The following BACH2 variants were observed in gnomAD, a reference collection of about 807,000 sequenced individuals.
BACH2 encodes transcription regulator protein BACH2.
In BACH2, 5 loss-of-function variants were observed where a neutral mutation model predicts 61.8. That is an observed-to-expected ratio of 0.08 (90% CI 0.04 to 0.17). BACH2 has a LOEUF of 0.17. Ranked by LOEUF, BACH2 falls within the 10% of genes least tolerant of loss-of-function variation. The pLI, the probability that BACH2 is intolerant of heterozygous loss-of-function variation, is 1.00. For synonymous variants in BACH2, 446 were observed against 440.1 expected (o/e 1.01, Z -0.17); for missense variants, 824 against 1,091.1 (o/e 0.76, Z 3.45).
chr6:90,114,028 T>C (rs1417443941), intron 4 of BACH2, among the ~76,000 whole-genome samples: 7 of 152,004 alleles, frequency 4.6e-5, no homozygotes, highest in Non-Finnish European at 1.0e-4. Flanking sequence ...CAGCAATAAA[T>C]AGCTTAGCAA....
chr6:90,133,052 A>G (rs972935188), intron 4 of BACH2, among the ~76,000 whole-genome samples: 6 of 152,144 alleles, frequency 3.9e-5, no homozygotes, highest in African/African-American at 1.4e-4. Context: ...CTTTTATAGC[A>G]CTTACTGCTT....
At chr6:90,188,841 A>G (rs1768455053) in intron 4 of BACH2, among the ~76,000 whole-genome samples, 1 of 151,814 alleles carries the variant, frequency 6.6e-6, no homozygotes, top group Admixed American at 6.6e-5. Context: ...AAAAAACAAC[A>G]TCAGTTTCCA....
chr6:89,993,124 CT>C (rs1776667712), intron 6 of BACH2, among the ~76,000 whole-genome samples: 2 of 152,188 alleles, frequency 1.3e-5, no homozygotes, highest in African/African-American at 2.4e-5. Flanking sequence ...GCACCTTGAT[CT>C]TGGACTTCTG....
In BACH2 at chr6:90,267,057, A is replaced by G. The variant is rs116747237; in HGVS notation, c.-353+4792T>C. 7.6e-3 allele frequency among the ~76,000 whole-genome samples: 1,157 copies of G among 152,182 alleles called. 14 individuals carry two copies. The highest frequency in any genetic ancestry group is 0.026 in the African/African-American group (1,087 of 41,504). On this transcript the variant is annotated intron_variant, in intron 2 of 8. Coordinates refer to ENST00000257749, the MANE Select transcript of BACH2 (RefSeq NM_021813.4). Reference sequence around the variant, plus strand: ...ATAGGGACGGATTTCCTGTAAGCTGATCTTGAAGAAAAAAAACATGTTAGA... The same window carrying G: ...ATAGGGACGGATTTCCTGTAAGCTGGTCTTGAAGAAAAAAAACATGTTAGA...
chr6:90,204,679 T>C (rs1042028292), intron 4 of BACH2, among the ~76,000 whole-genome samples: 1 of 152,146 alleles, frequency 6.6e-6, no homozygotes, highest in Non-Finnish European at 1.5e-5. Context: ...CAAACTGCAT[T>C]TGCTGATAAC....
At chr6:90,229,134 C>T (rs1770009717) in intron 3 of BACH2, among the ~76,000 whole-genome samples, 2 of 152,210 alleles carry the variant, frequency 1.3e-5, no homozygotes, top group Admixed American at 1.3e-4. Context: ...GAGAGCTTTA[C>T]AAACTCCCAT....
intron 5 of BACH2, among the ~76,000 whole-genome samples, chr6:90,037,886 A>C (rs1469676563): frequency 6.6e-6 from 1 of 152,332 alleles, no homozygotes. Flanking sequence ...AGGGAGAACA[A>C]CACCATGTGA....
Position 90,100,702 on chromosome 6 carries a change from G to GACACACACACACACAC in BACH2, c.-161-11609_-161-11594dup, listed in dbSNP as rs372719418. Among the ~76,000 whole-genome samples the GACACACACACACACAC allele has an allele frequency of 2.6e-3, 166 of 64,266 alleles. 1 individual carries two copies. Among genetic ancestry groups the GACACACACACACACAC allele is most frequent in the Non-Finnish European group, 2.3e-3 (68 of 29,972 alleles). 42.2% of individuals were successfully genotyped at this position (64,266 alleles called of 152,430 possible). A position where few individuals can be genotyped will look rare whatever the true frequency, so the allele number is the denominator to read the frequency against. On this transcript the variant is annotated intron_variant, in intron 4 of 8. Coordinates refer to ENST00000257749, the MANE Select transcript of BACH2 (RefSeq NM_021813.4). ...CTCTCTCTCTACACACACACACACA[G>GACACACACACACACAC]ACACACACACACACACACACACACA...
intron 4 of BACH2, among the ~76,000 whole-genome samples, chr6:90,159,504 C>G (rs141459551): frequency 6.6e-5 from 10 of 152,352 alleles, no homozygotes; most frequent in African/African-American, 2.4e-4. Context: ...TCTGCATTCT[C>G]TAGAGAATTA....
Position 90,030,373 on chromosome 6 carries a change from G to A in BACH2, c.-12-21517C>T, listed in dbSNP as rs76022522. On this transcript the variant is annotated intron_variant, in intron 5 of 8. Coordinates refer to ENST00000257749, the MANE Select transcript of BACH2 (RefSeq NM_021813.4). ...GAAGGCCTGGGTTTGAGAGAAGATG[G>A]TAGGAGGAAGGTTTCTGATTTTCGA... 5.8e-3 allele frequency among the ~76,000 whole-genome samples: 887 copies of A among 152,202 alleles called. 9 individuals are homozygous for A. Among genetic ancestry groups the A allele is most frequent in the African/African-American group, 0.02 (822 of 41,508 alleles).
intron 3 of BACH2, among the ~76,000 whole-genome samples, chr6:90,224,548 A>G (rs1298866190): frequency 6.6e-6 from 1 of 152,252 alleles, no homozygotes; most frequent in African/African-American, 2.4e-5. Flanking sequence ...ACACTATTTC[A>G]AGGTTGACTT....
rs922427770 is a variant in BACH2, at chr6:90,008,970, T to C, written c.-12-114A>G. The stretch of plus-strand genomic sequence containing the variant: ...TCATGGTTCCTGTGTCCCACTGCCA[T>C]GAGCATGGCAGGAAGGAGGGGAATT... On this transcript the variant is annotated intron_variant, in intron 5 of 8. Transcript: ENST00000257749. This position sits in a 1 kb window ranked among gnomAD's most constrained non-coding sequence, Gnocchi z 4.1. 2.3e-6 allele frequency: 3 copies of C among 1,290,030 alleles called. No homozygotes were observed. The highest frequency in any genetic ancestry group is 2.5e-5 in the Admixed American group (1 of 40,250). 79.9% of individuals were successfully genotyped at this position (1,290,030 alleles called of 1,614,324 possible).
intron 4 of BACH2, among the ~76,000 whole-genome samples, chr6:90,095,434 A>G (rs1164197059): frequency 6.6e-6 from 1 of 152,172 alleles, no homozygotes; most frequent in Non-Finnish European, 1.5e-5. Context: ...GATGGCGAAC[A>G]TTAATTGAGA....
intron 6 of BACH2, among the ~76,000 whole-genome samples, chr6:89,987,744 T>C (rs1015533139): frequency 4.6e-5 from 7 of 152,066 alleles, no homozygotes; most frequent in African/African-American, 1.2e-4. Flanking sequence ...AAGAGGTACC[T>C]ATGCCATTAT....
At chr6:90,291,295 G>A (rs1273445944) in intron 1 of BACH2, among the ~76,000 whole-genome samples, 1 of 152,102 alleles carries the variant, frequency 6.6e-6, no homozygotes, top group Non-Finnish European at 1.5e-5. Flanking sequence ...AATAGCTCAA[G>A]GAAAAACAAA....
At chr6:89,971,176 G>A (rs1775338438) in intron 6 of BACH2, among the ~76,000 whole-genome samples, 1 of 152,136 alleles carries the variant, frequency 6.6e-6, no homozygotes, top group African/African-American at 2.4e-5. Flanking sequence ...CAGTAACATG[G>A]GAACAACTGC....
At chr6:90,015,477 C>T (rs906121012) in intron 5 of BACH2, among the ~76,000 whole-genome samples, 1 of 152,096 alleles carries the variant, frequency 6.6e-6, no homozygotes, top group Admixed American at 6.5e-5. Flanking sequence ...TTAATTTTTA[C>T]TCAATTCTTA....
intron 6 of BACH2, among the ~76,000 whole-genome samples, chr6:89,955,845 A>G (rs1362244312): frequency 6.6e-6 from 1 of 152,238 alleles, no homozygotes; most frequent in Non-Finnish European, 1.5e-5. Flanking sequence ...TTTGTTCTTA[A>G]CAAATAAGGC....
At chr6:89,934,890 A>G (rs1281666644) in intron 8 of BACH2, among the ~76,000 whole-genome samples, 1 of 152,188 alleles carries the variant, frequency 6.6e-6, no homozygotes, top group East Asian at 1.9e-4. Context: ...CGGGAGCTGC[A>G]TGTGCCGTAA....
Sources: gnomAD v4.1 joint callset for allele counts (sites outside exome capture counted in the v4.1 genomes callset) on GRCh38, gnomAD v4.1.1 for gene constraint, Gnocchi (gnomAD v3.1) non-coding constraint, MANE v1.5 for transcripts, NCBI Gene and HGNC (gene_info 2026-07-23, HGNC 2026-07-21) for gene names.